Variants in CCDC178 observed in about 807,000 individuals in gnomAD.
CCDC178 encodes coiled-coil domain-containing protein 178.
In CCDC178, 126 loss-of-function variants were observed where a neutral mutation model predicts 117.4. The observed-to-expected ratio is 1.07, with a 90% CI of 0.93 to 1.24. The LOEUF is 1.24. CCDC178 is among the 50% of genes most tolerant of loss of function. The pLI is 0.00. For synonymous variants in CCDC178, 283 were observed against 313.4 expected (o/e 0.90, Z 1.02); for missense variants, 1,030 against 986.9 (o/e 1.04, Z -0.59).
chr18:33,023,581 G>C (rs926284899), intron 21 of CCDC178, among the ~76,000 whole-genome samples: 1 of 152,090 alleles, frequency 6.6e-6, no homozygotes, highest in African/African-American at 2.4e-5. Context: ...AGTGTGCTGA[G>C]AGAAAAATTA....
At chr18:33,279,467 G>A (rs1023945205) in intron 12 of CCDC178, among the ~76,000 whole-genome samples, 2 of 152,122 alleles carry the variant, frequency 1.3e-5, no homozygotes, top group African/African-American at 2.4e-5. Flanking sequence ...ACAAACAAAT[G>A]GAAGAACATT....
At chr18:33,365,895 TG>T (rs2063198730) in intron 6 of CCDC178, among the ~76,000 whole-genome samples, 1 of 152,118 alleles carries the variant, frequency 6.6e-6, no homozygotes, top group African/African-American at 2.4e-5. Context: ...TTTATCATTG[TG>T]TGATGTTTCC....
At chr18:33,103,508 TA>T in intron 20 of CCDC178, among the ~76,000 whole-genome samples, 1 of 151,690 alleles carries the variant, frequency 6.6e-6, no homozygotes, top group Non-Finnish European at 1.5e-5. Context: ...AAAGCATTTT[TA>T]TTTTTCCAGC....
intron 14 of CCDC178, among the ~76,000 whole-genome samples, chr18:33,257,616 T>A (rs1035815300): frequency 6.6e-6 from 1 of 152,126 alleles, no homozygotes; most frequent in African/African-American, 2.4e-5. Flanking sequence ...ATTTAAAAGA[T>A]GTGAGCTCTG....
intron 5 of CCDC178, among the ~76,000 whole-genome samples, chr18:33,377,398 G>A (rs1223877077): frequency 7.0e-6 from 1 of 142,062 alleles, no homozygotes; most frequent in African/African-American, 2.5e-5. Context: ...TAGGTTGCCT[G>A]TTTACTCTGT....
At chr18:33,091,321 A>ATTTTTTTTTTTTTTTT (rs1415932731) in intron 21 of CCDC178, among the ~76,000 whole-genome samples, 4 of 18,358 alleles carry the variant, frequency 2.2e-4, no homozygotes, top group Non-Finnish European at 7.2e-4. Flanking sequence ...CACTTATTTC[A>ATTTTTTTTTTTTTTTT]TTCTTTTTTT....
At chr18:33,324,672 G>A (rs2062561433) in intron 10 of CCDC178, among the ~76,000 whole-genome samples, 1 of 130,912 alleles carries the variant, frequency 7.6e-6, no homozygotes, top group Admixed American at 7.5e-5. Context: ...GGCTGTTTCT[G>A]TAACAATTTT....
At chr18:33,201,405 C>G (rs944160507) in intron 20 of CCDC178, among the ~76,000 whole-genome samples, 2 of 152,170 alleles carry the variant, frequency 1.3e-5, no homozygotes, top group South Asian at 4.2e-4. Flanking sequence ...TGATGCCACT[C>G]TTTTTATCAG....
intron 22 of CCDC178, chr18:32,938,382 G>A (rs527909273): frequency 4.0e-6 from 1 of 250,344 alleles, no homozygotes; most frequent in East Asian, 7.5e-5. Context: ...TATCATCCTT[G>A]TCCCATTACA....
At chr18:32,952,368 G>GA (rs1014497497) in intron 22 of CCDC178, among the ~76,000 whole-genome samples, 103 of 152,314 alleles carry the variant, frequency 6.8e-4, no homozygotes, top group African/African-American at 2.5e-3. Flanking sequence ...CTCAATTCTT[G>GA]ACTTCTGTGC....
intron 21 of CCDC178, among the ~76,000 whole-genome samples, chr18:32,988,112 TAATAATA>T (rs1449357602): frequency 3.9e-5 from 5 of 128,224 alleles, no homozygotes; most frequent in Non-Finnish European, 6.8e-5. Context: ...ATAATAATAA[TAATAATA>T]AATTTATCAA....
chr18:33,257,737 A>T (rs148288473), intron 14 of CCDC178, among the ~76,000 whole-genome samples: 28 of 152,206 alleles, frequency 1.8e-4, no homozygotes, highest in Admixed American at 7.9e-4. Flanking sequence ...CTCTCTTTTT[A>T]GACATCTCAA....
At chr18:33,133,193 T>C (rs1192776449) in intron 20 of CCDC178, among the ~76,000 whole-genome samples, 5 of 151,840 alleles carry the variant, frequency 3.3e-5, no homozygotes, top group African/African-American at 1.2e-4. Context: ...TGAAATGTTA[T>C]CGAAAACGTC....
At chr18:33,205,483 T>C (rs2059036192) in intron 20 of CCDC178, among the ~76,000 whole-genome samples, 1 of 152,178 alleles carries the variant, frequency 6.6e-6, no homozygotes, top group Non-Finnish European at 1.5e-5. Context: ...GCCTATTATA[T>C]TCACTGAATA....
At chr18:32,997,107 G>T (rs2055528822) in intron 21 of CCDC178, among the ~76,000 whole-genome samples, 1 of 151,994 alleles carries the variant, frequency 6.6e-6, no homozygotes, top group Non-Finnish European at 1.5e-5. Context: ...TCATCCCTGG[G>T]AATTCATGTA....
intron 15 of CCDC178, among the ~76,000 whole-genome samples, chr18:33,229,414 T>A (rs2144645327): frequency 6.6e-6 from 1 of 152,344 alleles, no homozygotes; most frequent in East Asian, 1.9e-4. Flanking sequence ...CCCTCAATGA[T>A]AAAACTACCA....
chr18:33,361,270 G>A (rs988563789), intron 6 of CCDC178, among the ~76,000 whole-genome samples: 1 of 151,594 alleles, frequency 6.6e-6, no homozygotes, highest in Admixed American at 6.6e-5. Context: ...AATGATGCAG[G>A]GAAAACTAAA....
intron 15 of CCDC178, among the ~76,000 whole-genome samples, chr18:33,234,648 A>G (rs2059407042): frequency 6.6e-6 from 1 of 152,092 alleles, no homozygotes; most frequent in African/African-American, 2.4e-5. Context: ...TTACTTTTGT[A>G]GGTTTTTTTG....
chr18:33,093,326 A>G (rs770205579), intron 20 of CCDC178, among the ~76,000 whole-genome samples: 92 of 152,136 alleles, frequency 6.0e-4, no homozygotes, highest in Non-Finnish European at 1.1e-3. Context: ...AGTAGATGGT[A>G]CCTTGTAGCT....
Sources: gnomAD v4.1 joint callset for allele counts (sites outside exome capture counted in the v4.1 genomes callset) on GRCh38, gnomAD v4.1.1 for gene constraint, MANE v1.5 for transcripts, NCBI Gene and HGNC (gene_info 2026-07-23, HGNC 2026-07-21) for gene names.